Variants in FAT3 observed in about 807,000 individuals in gnomAD.
FAT3 encodes protocadherin Fat 3.
In FAT3, 95 loss-of-function variants were observed where a neutral mutation model predicts 310.2. The observed-to-expected ratio is 0.31, with a 90% CI of 0.26 to 0.36. FAT3 has a LOEUF of 0.36. FAT3 is among the 10% of genes least tolerant of loss of function. The pLI is 1.00. For missense variants in FAT3, 5,408 were observed against 5,715.6 expected, an observed-to-expected ratio of 0.95 and a Z score of 1.74; for synonymous variants, 2,314 against 2,192.9, an observed-to-expected ratio of 1.06 and a Z score of -1.54.
At chr11:92,766,287 A>T (rs1050105722) in intron 6 of FAT3, among the ~76,000 whole-genome samples, 1 of 152,158 alleles carries the variant, frequency 6.6e-6, no homozygotes, top group Non-Finnish European at 1.5e-5. Flanking sequence ...GTGTCGCCCA[A>T]TCCGACACTG....
chr11:92,426,199 T>G (rs555977655), intron 2 of FAT3, among the ~76,000 whole-genome samples: 1 of 152,372 alleles, frequency 6.6e-6, no homozygotes, highest in Non-Finnish European at 1.5e-5. Context: ...GAAGTGTCTG[T>G]TAATATCCTT....
chr11:92,674,846 A>G (rs1406541056), intron 3 of FAT3, among the ~76,000 whole-genome samples: 1 of 152,170 alleles, frequency 6.6e-6, no homozygotes, highest in African/African-American at 2.4e-5. Flanking sequence ...TTACTTCTTC[A>G]AGGCATAAAA....
At chr11:92,735,845 A>T (rs528310025) in intron 4 of FAT3, among the ~76,000 whole-genome samples, 1 of 151,876 alleles carries the variant, frequency 6.6e-6, no homozygotes, top group East Asian at 1.9e-4. Context: ...TCTGAAAGTA[A>T]TGGGTTCTCT....
At chr11:92,701,105 C>T (rs951822046) in intron 4 of FAT3, among the ~76,000 whole-genome samples, 1 of 152,112 alleles carries the variant, frequency 6.6e-6, no homozygotes, top group Non-Finnish European at 1.5e-5. Context: ...GCCGAGATAA[C>T]CTTATGCTCC....
At chr11:92,837,873 A>T in intron 17 of FAT3, 67 bp downstream of exon 17, 1 of 1,595,984 alleles carries the variant, frequency 6.3e-7, no homozygotes. Context: ...GCTGTGGTTT[A>T]CTCATTGTGG....
Position 92,889,886 on chromosome 11 carries a change from A to G in FAT3, c.13142A>G (p.Asn4381Ser), listed in dbSNP as rs1420022397. ...GTCATGGACCAAGGACAGAACTACAACCGAGGTGACTGTGCCGCAACCCTA... is the reference window on the plus strand; with the variant it reads ...GTCATGGACCAAGGACAGAACTACAGCCGAGGTGACTGTGCCGCAACCCTA... ...VSVMDQGQNY[N>S]RAYHWDTSDW... is the part of the protein sequence containing the mutation. The change falls in exon 27 of 28, where the codon AAC becomes AGC. Residue 4381 changes from asparagine to serine, a missense_variant. Asn to Ser is a conservative substitution (Grantham distance 46, BLOSUM62 1). Around this residue, in one of 5 missense-constraint regions of FAT3, gnomAD observed 649 missense variants for 666.2 expected, o/e 0.97. Transcript: ENST00000525166. 2.8e-6 allele frequency: 2 copies of G among 717,988 alleles called. No individual in the cohort carries two copies. Among genetic ancestry groups the G allele is most frequent in the African/African-American group, 3.5e-5 (2 of 57,260 alleles). The allele number at this position is 717,988 out of a possible 1,614,324, so 44.5% of individuals were successfully genotyped here.
At chr11:92,468,670 A>T (rs1591330226) in intron 2 of FAT3, among the ~76,000 whole-genome samples, 1 of 152,300 alleles carries the variant, frequency 6.6e-6, no homozygotes, top group East Asian at 1.9e-4. Flanking sequence ...GGAAACTTAC[A>T]GTCATGGTGG....
chr11:92,227,483 T>C (rs1404924154), intron 1 of FAT3, among the ~76,000 whole-genome samples: 1 of 152,136 alleles, frequency 6.6e-6, no homozygotes, highest in Non-Finnish European at 1.5e-5. Context: ...AAGCCCGCCA[T>C]CTAGGAATTG....
At chr11:92,255,637 G>A (rs1865288438) in intron 1 of FAT3, among the ~76,000 whole-genome samples, 1 of 152,108 alleles carries the variant, frequency 6.6e-6, no homozygotes, top group Non-Finnish European at 1.5e-5. Context: ...TCCTGTGCCA[G>A]TCTTCAGCTG....
intron 1 of FAT3, among the ~76,000 whole-genome samples, chr11:92,264,481 C>A (rs1945878068): frequency 1.3e-5 from 2 of 152,114 alleles, no homozygotes; most frequent in Admixed American, 1.3e-4. Flanking sequence ...CTACCCTTTG[C>A]CTTGTAGAGC....
intron 6 of FAT3, 72 bp downstream of exon 6, chr11:92,765,161 AAAG>A (rs1384945921): frequency 2.2e-4 from 290 of 1,315,572 alleles, no homozygotes; most frequent in Non-Finnish European, 2.6e-4. Flanking sequence ...AAAAAAAAAA[AAAG>A]AAAGAAAGCA....
At chr11:92,379,625 C>CAA (rs1949441015) in intron 2 of FAT3, among the ~76,000 whole-genome samples, 2 of 152,156 alleles carry the variant, frequency 1.3e-5, no homozygotes, top group East Asian at 3.9e-4. Context: ...CTCTTATGAA[C>CAA]AAGTGAGACC....
At chr11:92,453,498 AAAAG>A (rs1211268964) in intron 2 of FAT3, among the ~76,000 whole-genome samples, 3 of 152,140 alleles carry the variant, frequency 2.0e-5, no homozygotes, top group East Asian at 1.9e-4. Flanking sequence ...TTTTTTGTAA[AAAAG>A]AAAGAAAAGA....
intron 2 of FAT3, among the ~76,000 whole-genome samples, chr11:92,384,497 T>G (rs1949573657): frequency 6.6e-6 from 1 of 152,178 alleles, no homozygotes. Context: ...CATAACTTCT[T>G]TAAGCAAATT....
intron 3 of FAT3, among the ~76,000 whole-genome samples, chr11:92,572,705 T>C (rs961772987): frequency 1.3e-4 from 20 of 152,220 alleles, no homozygotes; most frequent in African/African-American, 4.8e-4. Flanking sequence ...TTGAAATAGC[T>C]AGCTGCTGAA....
At chr11:92,477,862 C>T (rs1399252097) in intron 2 of FAT3, among the ~76,000 whole-genome samples, 1 of 152,174 alleles carries the variant, frequency 6.6e-6, no homozygotes, top group African/African-American at 2.4e-5. Context: ...TTAACTTACA[C>T]AAGAGTGTGC....
intron 11 of FAT3, 129 bp downstream of exon 11, chr11:92,805,478 G>T: frequency 1.1e-6 from 1 of 882,686 alleles, no homozygotes. Flanking sequence ...GGTATAAGAG[G>T]GTAGGAGGTG....
At chr11:92,674,182 AAATAATAATAATAATAATAAT>A (rs550101493) in intron 3 of FAT3, among the ~76,000 whole-genome samples, 4 of 140,944 alleles carry the variant, frequency 2.8e-5, no homozygotes, top group African/African-American at 5.3e-5. Flanking sequence ...CTCCATCTCA[AAATAATAATAATAATAATAAT>A]AATAATAATA....
intron 3 of FAT3, among the ~76,000 whole-genome samples, chr11:92,578,758 T>C (rs368004883): frequency 3.7e-4 from 57 of 152,232 alleles, no homozygotes; most frequent in East Asian, 7.7e-4. Context: ...AAACCTTCCA[T>C]CTCTCACAGA....
Sources: allele counts gnomAD v4.1 joint callset (sites outside exome capture counted in the v4.1 genomes callset), GRCh38; gene constraint gnomAD v4.1.1; regional missense constraint gnomAD v4.1.1; transcripts MANE v1.5; gene names NCBI Gene and HGNC (gene_info 2026-07-23, HGNC 2026-07-21).